Variants in RORB observed in about 807,000 individuals in gnomAD.
RORB encodes the protein RAR related orphan receptor B, also known as nuclear receptor ROR-beta.
In RORB, 6 loss-of-function variants were observed where a neutral mutation model predicts 59.1. The observed-to-expected ratio is 0.10, with a 90% CI of 0.06 to 0.20. The LOEUF (loss-of-function observed/expected upper bound fraction) is 0.20. RORB is among the 10% of genes least tolerant of loss of function. The probability of loss-of-function intolerance (pLI) is 1.00; values close to 1 mark genes in which losing one functional copy is unlikely to be tolerated. For missense variants in RORB, 320 were observed against 560.5 expected (o/e 0.57, Z 4.33); for synonymous variants, 215 against 204.5 (o/e 1.05, Z -0.44).
intron 1 of RORB, among the ~76,000 whole-genome samples, chr9:74,509,154 C>G (rs952467451): frequency 2.0e-5 from 3 of 151,992 alleles, no homozygotes; most frequent in African/African-American, 7.2e-5. Flanking sequence ...AACCATAGCT[C>G]TCCACAGCTT....
intron 1 of RORB, among the ~76,000 whole-genome samples, chr9:74,609,387 G>GT (rs1321133813): frequency 3.3e-5 from 5 of 152,090 alleles, no homozygotes; most frequent in African/African-American, 1.2e-4. Context: ...GTAATGAGTA[G>GT]TTGGTCATTC....
At chr9:74,568,799 A>G (rs969497094) in intron 1 of RORB, among the ~76,000 whole-genome samples, 1 of 151,900 alleles carries the variant, frequency 6.6e-6, no homozygotes, top group Admixed American at 6.6e-5. Context: ...TGAAATGAAC[A>G]TTTAAAATCT....
chr9:74,513,931 T>C (rs1362494269), intron 1 of RORB, among the ~76,000 whole-genome samples: 1 of 152,100 alleles, frequency 6.6e-6, no homozygotes, highest in African/African-American at 2.4e-5. Context: ...TGAAAAAGAA[T>C]GCCGTAGGAT....
At chr9:74,661,032 A>G (rs960009373) in intron 5 of RORB, among the ~76,000 whole-genome samples, 1 of 152,208 alleles carries the variant, frequency 6.6e-6, no homozygotes, top group African/African-American at 2.4e-5. Flanking sequence ...CCGTGCCTTC[A>G]TCAAATGATT....
intron 3 of RORB, among the ~76,000 whole-genome samples, chr9:74,637,854 C>A (rs1195673663): frequency 6.6e-6 from 1 of 152,116 alleles, no homozygotes; most frequent in Non-Finnish European, 1.5e-5. Flanking sequence ...TTCAGTCACA[C>A]TAGCTATATT....
At chr9:74,651,305 C>T (rs1265014130) in intron 4 of RORB, among the ~76,000 whole-genome samples, 1 of 152,114 alleles carries the variant, frequency 6.6e-6, no homozygotes, top group Admixed American at 6.5e-5. Flanking sequence ...GAGCCCAAGG[C>T]AGGTGGATCA....
At chr9:74,604,434 AC>A (rs1347026900) in intron 1 of RORB, among the ~76,000 whole-genome samples, 1 of 152,196 alleles carries the variant, frequency 6.6e-6, no homozygotes, top group African/African-American at 2.4e-5. Context: ...CTATTCTTGG[AC>A]CCACTAGTTG....
intron 8 of RORB, among the ~76,000 whole-genome samples, chr9:74,671,568 T>A (rs925756410): frequency 1.3e-5 from 2 of 152,216 alleles, no homozygotes; most frequent in Non-Finnish European, 2.9e-5. Flanking sequence ...AACCATTGTG[T>A]CCTTTCCTCC....
intron 1 of RORB, chr9:74,615,497 G>C (rs1823297276): frequency 2.9e-6 from 1 of 340,134 alleles, no homozygotes; most frequent in Non-Finnish European, 6.0e-6. Flanking sequence ...CATTAATGCA[G>C]CCTGTTGGGA....
chr9:74,581,829 A>ATT (rs1822729152), intron 1 of RORB, among the ~76,000 whole-genome samples: 1 of 152,172 alleles, frequency 6.6e-6, no homozygotes, highest in Non-Finnish European at 1.5e-5. Flanking sequence ...GGATTATTAC[A>ATT]TTATATATTT....
chr9:74,605,915 A>G (rs866699855), intron 1 of RORB, among the ~76,000 whole-genome samples: 18 of 152,182 alleles, frequency 1.2e-4, no homozygotes, highest in African/African-American at 4.1e-4. Context: ...CCTGGACCAC[A>G]TCTCAGTAGA....
At chr9:74,662,751 C>T (rs960915035) in intron 6 of RORB, 145 bp downstream of exon 6, 7 of 814,838 alleles carry the variant, frequency 8.6e-6, no homozygotes, top group East Asian at 2.6e-5. Context: ...AGGAAACTCT[C>T]AGTAATAAAA....
At chr9:74,551,058 G>A (rs1483101980) in intron 1 of RORB, among the ~76,000 whole-genome samples, 3 of 151,860 alleles carry the variant, frequency 2.0e-5, no homozygotes, top group Non-Finnish European at 4.4e-5. Context: ...TAAATTACAT[G>A]TAACATTTGC....
intron 1 of RORB, among the ~76,000 whole-genome samples, chr9:74,503,909 G>T (rs1395175485): frequency 6.6e-6 from 1 of 152,014 alleles, no homozygotes; most frequent in Non-Finnish European, 1.5e-5. Flanking sequence ...AATTCTTAAT[G>T]AGGGAAACCA....
chr9:74,520,117 T>G (rs929790509), intron 1 of RORB, among the ~76,000 whole-genome samples: 1 of 151,810 alleles, frequency 6.6e-6, no homozygotes, highest in Admixed American at 6.6e-5. Flanking sequence ...AGAAAGACAT[T>G]TTTTCCAATG....
intron 1 of RORB, among the ~76,000 whole-genome samples, chr9:74,590,852 A>G (rs1340931237): frequency 1.3e-5 from 2 of 152,138 alleles, no homozygotes; most frequent in East Asian, 3.9e-4. Flanking sequence ...AGTGCAGTGC[A>G]GTGGTGCAAT....
intron 1 of RORB, among the ~76,000 whole-genome samples, chr9:74,502,015 A>T (rs72729235): frequency 0.035 from 5,341 of 152,240 alleles, 139 homozygotes; most frequent in Non-Finnish European, 0.053. Flanking sequence ...TTTTTGCATC[A>T]TTATTAAAGT....
chr9:74,642,339 T>G, intron 3 of RORB, 75 bp from the exon 4 acceptor site: 1 of 1,419,426 alleles, frequency 7.0e-7, no homozygotes, highest in Non-Finnish European at 9.6e-7. Flanking sequence ...AACCATCCCA[T>G]GACCCGTTGT....
At chr9:74,618,043 C>T (rs938468970) in intron 1 of RORB, among the ~76,000 whole-genome samples, 1 of 152,032 alleles carries the variant, frequency 6.6e-6, no homozygotes, top group Non-Finnish European at 1.5e-5. Context: ...ATTTTCAGTG[C>T]AGAAATTGAC....
Sources: allele counts gnomAD v4.1 joint callset (sites outside exome capture counted in the v4.1 genomes callset), GRCh38; gene constraint gnomAD v4.1.1; transcripts MANE v1.5; gene names NCBI Gene and HGNC (gene_info 2026-07-23, HGNC 2026-07-21).